STK3: variants seen among roughly 807,000 people sequenced by gnomAD.
STK3 encodes the protein serine/threonine kinase 3, also known as serine/threonine-protein kinase 3.
STK3 carries 41 observed loss-of-function variants against 58.0 expected under a neutral mutation model. The observed-to-expected ratio is 0.71, with a 90% CI of 0.55 to 0.92. The LOEUF (loss-of-function observed/expected upper bound fraction) is 0.92, where lower values mean the gene tolerates loss of function less well. STK3 is among the 40% of genes least tolerant of loss of function. The pLI is 0.00. For missense variants in STK3, 479 were observed against 602.7 expected (o/e 0.79, Z 2.15); for synonymous variants, 170 against 191.0 (o/e 0.89, Z 0.91).
intron 1 of STK3, among the ~76,000 whole-genome samples, chr8:98,934,735 G>A (rs1840134184): frequency 6.6e-6 from 1 of 152,072 alleles, no homozygotes; most frequent in African/African-American, 2.4e-5. Context: ...GGCCAACATG[G>A]TGAAACCCCG....
chr8:98,486,287 A>G (rs771982448), intron 10 of STK3, among the ~76,000 whole-genome samples: 1 of 152,270 alleles, frequency 6.6e-6, no homozygotes, highest in Non-Finnish European at 1.5e-5. Context: ...ATTCAACATC[A>G]TATAATGATA....
intron 6 of STK3, among the ~76,000 whole-genome samples, chr8:98,675,924 C>T (rs1382015369): frequency 6.6e-6 from 1 of 151,812 alleles, no homozygotes; most frequent in East Asian, 1.9e-4. Context: ...ATTCATAGCA[C>T]GATTCACAAG....
At chr8:98,852,432 C>A (rs1836507263) in intron 3 of STK3, among the ~76,000 whole-genome samples, 1 of 152,088 alleles carries the variant, frequency 6.6e-6, no homozygotes, top group African/African-American at 2.4e-5. Flanking sequence ...CTGTGCCCAG[C>A]CTGGAGCTAA....
intron 6 of STK3, among the ~76,000 whole-genome samples, chr8:98,703,896 A>G (rs961807072): frequency 1.1e-4 from 16 of 152,140 alleles, no homozygotes; most frequent in African/African-American, 3.9e-4. Context: ...TGCCCTCACT[A>G]TACCCCCCAC....
At chr8:98,853,811 G>A (rs918337310) in intron 3 of STK3, among the ~76,000 whole-genome samples, 1 of 152,244 alleles carries the variant, frequency 6.6e-6, no homozygotes, top group Non-Finnish European at 1.5e-5. Flanking sequence ...TCAGAAAGAT[G>A]AATTAGGAAT....
intron 3 of STK3, among the ~76,000 whole-genome samples, chr8:98,842,833 G>A (rs1339190961): frequency 6.6e-6 from 1 of 151,990 alleles, no homozygotes; most frequent in East Asian, 1.9e-4. Context: ...AAACCTCCCT[G>A]TCTCTGTCAA....
intron 7 of STK3, 42 bp downstream of exon 7, chr8:98,595,990 G>T: frequency 6.3e-7 from 1 of 1,592,038 alleles, no homozygotes; most frequent in Non-Finnish European, 8.6e-7. Context: ...AAGCTGAAAG[G>T]TATGAAGAAA....
At chr8:98,418,478 G>C (rs940076337) in intron 3 of STK3, among the ~76,000 whole-genome samples, 5 of 152,222 alleles carry the variant, frequency 3.3e-5, no homozygotes, top group African/African-American at 1.2e-4. Flanking sequence ...TGGGTGGATG[G>C]ATGGATGGAT....
At chr8:98,651,633 G>C (rs1219491193) in intron 6 of STK3, 2 of 152,244 alleles carry the variant, frequency 1.3e-5, no homozygotes, top group African/African-American at 2.4e-5. Flanking sequence ...AACCAATATA[G>C]AGAAGTGCTT....
intron 1 of STK3, among the ~76,000 whole-genome samples, chr8:98,823,469 AG>A (rs1339052835): frequency 1.3e-5 from 2 of 152,202 alleles, no homozygotes; most frequent in African/African-American, 4.8e-5. Flanking sequence ...ATACAACAAG[AG>A]GGTGCACAGC....
At chr8:98,808,772 A>G (rs544190739) in intron 1 of STK3, among the ~76,000 whole-genome samples, 1 of 152,308 alleles carries the variant, frequency 6.6e-6, no homozygotes, top group African/African-American at 2.4e-5. Context: ...GCTATTCATA[A>G]TAAGTCCCTT....
intron 6 of STK3, among the ~76,000 whole-genome samples, chr8:98,638,071 T>A (rs1030398706): frequency 1.4e-4 from 22 of 152,312 alleles, no homozygotes; most frequent in Non-Finnish European, 2.1e-4. Flanking sequence ...TGCTAATTTT[T>A]TTTGGCTAAG....
chr8:98,571,471 C>T (rs913884092), intron 8 of STK3, among the ~76,000 whole-genome samples: 2 of 152,252 alleles, frequency 1.3e-5, no homozygotes, highest in South Asian at 2.1e-4. Flanking sequence ...TTATTCAAAG[C>T]ACCCTGGCAT....
At chr8:98,736,661 A>T (rs1459456657) in intron 4 of STK3, among the ~76,000 whole-genome samples, 1 of 152,206 alleles carries the variant, frequency 6.6e-6, no homozygotes, top group Non-Finnish European at 1.5e-5. Context: ...ACCCCTAATA[A>T]GATTTCTTTC....
chr8:98,732,863 T>C (rs887705765), intron 4 of STK3, among the ~76,000 whole-genome samples: 2 of 152,040 alleles, frequency 1.3e-5, no homozygotes, highest in African/African-American at 4.8e-5. Flanking sequence ...GATGCATACA[T>C]TGCTTTTTTC....
chr8:98,532,767 T>A (rs888685515), intron 9 of STK3, among the ~76,000 whole-genome samples: 1 of 152,212 alleles, frequency 6.6e-6, no homozygotes, highest in Non-Finnish European at 1.5e-5. Flanking sequence ...AATGTGCCAT[T>A]CAGTAGCATG....
At chr8:98,644,099 T>C (rs1006954404) in intron 6 of STK3, among the ~76,000 whole-genome samples, 28 of 152,198 alleles carry the variant, frequency 1.8e-4, no homozygotes, top group Admixed American at 5.9e-4. Flanking sequence ...ATAAGTTCAA[T>C]TTCATCACTG....
rs1044227435 is a variant in STK3 at position 98,653,162 on chromosome 8, C to T, written c.684+53305G>A. 3.3e-5 allele frequency among the ~76,000 whole-genome samples: 5 copies of T among 152,186 alleles called. No homozygotes were observed. In the East Asian group the frequency reaches 5.8e-4, roughly 18 times the overall value. Reference sequence around the variant, plus strand: ...AGACCACAGTGCAATCAAACTAGAACTCAGGATTAAGACACTCACTCAAAA... The same window carrying T: ...AGACCACAGTGCAATCAAACTAGAATTCAGGATTAAGACACTCACTCAAAA... On this transcript the variant is annotated intron_variant, in intron 6 of 10. Transcript: ENST00000419617.
In STK3 at chr8:98,589,582, C is replaced by G. The variant is rs185892933; in HGVS notation, c.822+6450G>C. 6.0e-3 allele frequency among the ~76,000 whole-genome samples: 911 copies of G among 152,376 alleles called. 6 individuals are homozygous for G. The highest frequency in any genetic ancestry group is 0.024 in the Middle Eastern group (7 of 294). On this transcript the variant is annotated intron_variant, in intron 7 of 10. Transcript: ENST00000419617. Reference sequence around the variant, plus strand: ...CTGTGCCCTGCCCCCAGAGGTGGAGCCTACAGATGCAGGCAGGCCTTCTTG... The same window carrying G: ...CTGTGCCCTGCCCCCAGAGGTGGAGGCTACAGATGCAGGCAGGCCTTCTTG...
Sources: gnomAD v4.1 joint callset for allele counts (sites outside exome capture counted in the v4.1 genomes callset) on GRCh38, gnomAD v4.1.1 for gene constraint, MANE v1.5 for transcripts, NCBI Gene and HGNC (gene_info 2026-07-23, HGNC 2026-07-21) for gene names.